TRAPPC9: variants seen among roughly 807,000 people sequenced by gnomAD.
TRAPPC9 encodes IKK2 binding protein.
A neutral mutation model predicts 124.0 loss-of-function variants in TRAPPC9; 83 were observed. The ratio of observed to expected loss-of-function variants is 0.67; its 90% confidence interval spans 0.56 to 0.80. The LOEUF (loss-of-function observed/expected upper bound fraction) is 0.80. TRAPPC9 is among the 30% of genes least tolerant of loss of function. The probability of loss-of-function intolerance (pLI) is 0.00; values close to 1 mark genes in which losing one functional copy is unlikely to be tolerated. For synonymous variants in TRAPPC9, 638 were observed against 617.5 expected (o/e 1.03, Z -0.49); for missense variants, 1,302 against 1,508.3 (o/e 0.86, Z 2.27).
At chr8:140,090,816 C>A (rs1048578243) in intron 17 of TRAPPC9, among the ~76,000 whole-genome samples, 3 of 152,240 alleles carry the variant, frequency 2.0e-5, no homozygotes, top group Non-Finnish European at 2.9e-5. Flanking sequence ...GCTTCCCATG[C>A]AGCTGTTCAT....
chr8:139,954,869 G>A (rs539971115), intron 19 of TRAPPC9, among the ~76,000 whole-genome samples: 55 of 152,252 alleles, frequency 3.6e-4, no homozygotes, highest in African/African-American at 1.2e-3. Flanking sequence ...AAAATAAAAG[G>A]AGCCAGCTCT....
intron 21 of TRAPPC9, among the ~76,000 whole-genome samples, chr8:139,826,355 C>T (rs1205366309): frequency 6.6e-6 from 1 of 152,180 alleles, no homozygotes; most frequent in African/African-American, 2.4e-5. Flanking sequence ...GTGGGCCAGA[C>T]AAGACAAGGC....
At chr8:140,271,315 A>C (rs1036577217) in intron 15 of TRAPPC9, among the ~76,000 whole-genome samples, 3 of 152,240 alleles carry the variant, frequency 2.0e-5, no homozygotes, top group African/African-American at 7.2e-5. Context: ...CAAAGTTTTT[A>C]AAATAAGACA....
intron 17 of TRAPPC9, among the ~76,000 whole-genome samples, chr8:140,073,100 G>A (rs1843285641): frequency 6.6e-6 from 1 of 152,220 alleles, no homozygotes; most frequent in South Asian, 2.1e-4. Context: ...CCGGGGGAAT[G>A]TAAAATGGAG....
chr8:140,090,261 C>CA (rs1436252161), intron 17 of TRAPPC9, among the ~76,000 whole-genome samples: 1 of 152,106 alleles, frequency 6.6e-6, no homozygotes, highest in Non-Finnish European at 1.5e-5. Flanking sequence ...GAAATATTCA[C>CA]ACCAATATAT....
chr8:140,172,573 T>C (rs2061987735), intron 17 of TRAPPC9, among the ~76,000 whole-genome samples: 1 of 151,786 alleles, frequency 6.6e-6, no homozygotes, highest in East Asian at 1.9e-4. Flanking sequence ...GAGTTTACAA[T>C]GGAGGAGACT....
chr8:140,217,104 C>A (rs1399734384), intron 17 of TRAPPC9, among the ~76,000 whole-genome samples: 1 of 152,184 alleles, frequency 6.6e-6, no homozygotes, highest in Non-Finnish European at 1.5e-5. Context: ...TGACTCACAA[C>A]TGGAGCACAA....
At chr8:140,161,650 T>G (rs552901182) in intron 17 of TRAPPC9, among the ~76,000 whole-genome samples, 38 of 152,296 alleles carry the variant, frequency 2.5e-4, no homozygotes, top group African/African-American at 8.9e-4. Context: ...TGTGGCGTCA[T>G]GCAAGTGCTC....
intron 17 of TRAPPC9, among the ~76,000 whole-genome samples, chr8:140,092,509 G>A (rs1485101485): frequency 6.6e-6 from 1 of 152,072 alleles, no homozygotes; most frequent in East Asian, 1.9e-4. Flanking sequence ...AGTGCATAGA[G>A]CATCTAAAAT....
intron 9 of TRAPPC9, among the ~76,000 whole-genome samples, chr8:140,327,787 TA>T (rs2066778679): frequency 6.6e-6 from 1 of 152,202 alleles, no homozygotes; most frequent in South Asian, 2.1e-4. Flanking sequence ...GTGTAATGCG[TA>T]CAGAGATTCT....
intron 16 of TRAPPC9, among the ~76,000 whole-genome samples, chr8:140,234,254 C>T (rs375362247): frequency 3.3e-5 from 5 of 152,182 alleles, no homozygotes; most frequent in East Asian, 3.8e-4. Flanking sequence ...GATCTGAGGT[C>T]GAACAACTTC....
chr8:140,193,622 GAAAAAA>G (rs72383095), intron 17 of TRAPPC9, among the ~76,000 whole-genome samples: 1 of 77,334 alleles, frequency 1.3e-5, no homozygotes, highest in Non-Finnish European at 2.4e-5. Context: ...TGTACTTTCA[GAAAAAA>G]AAAAAAAAAA....
At chr8:140,328,262 A>AAATT (rs149409666) in intron 9 of TRAPPC9, among the ~76,000 whole-genome samples, 1,942 of 152,226 alleles carry the variant, frequency 0.013, 12 homozygotes, top group Non-Finnish European at 0.017. Flanking sequence ...CTCAAAAACA[A>AAATT]AATTAATTAA....
At chr8:140,045,868 G>GT (rs1841562228) in intron 17 of TRAPPC9, among the ~76,000 whole-genome samples, 1 of 151,936 alleles carries the variant, frequency 6.6e-6, no homozygotes, top group African/African-American at 2.4e-5. Flanking sequence ...ACCATTTTAT[G>GT]TAACTAAGAA....
intron 9 of TRAPPC9, among the ~76,000 whole-genome samples, chr8:140,350,085 A>G (rs1037621547): frequency 7.9e-5 from 12 of 152,220 alleles, no homozygotes; most frequent in African/African-American, 2.9e-4. Context: ...TTTTGAGGGA[A>G]CAGTGGGATC....
At chr8:139,828,289 T>C (rs1274042794) in intron 21 of TRAPPC9, among the ~76,000 whole-genome samples, 1 of 152,222 alleles carries the variant, frequency 6.6e-6, no homozygotes, top group Admixed American at 6.5e-5. Context: ...TGTCCTGAAC[T>C]GGCGTGAGGA....
At chr8:140,259,718 T>C (rs1415756536) in intron 15 of TRAPPC9, among the ~76,000 whole-genome samples, 2 of 152,194 alleles carry the variant, frequency 1.3e-5, no homozygotes, top group Admixed American at 1.3e-4. Flanking sequence ...ATCAGAGCTG[T>C]GTGGACGAAG....
chr8:140,244,062 C>A (rs1487803098), intron 16 of TRAPPC9, among the ~76,000 whole-genome samples: 1 of 152,222 alleles, frequency 6.6e-6, no homozygotes. Flanking sequence ...GCCTGATGAT[C>A]TGAGGTGGAA....
chr8:139,965,265 G>C lies in TRAPPC9; in HGVS notation c.2810+23461C>G, dbSNP rs190386133. On this transcript the variant is annotated intron_variant, in intron 19 of 22. Coordinates refer to ENST00000438773, the MANE Select transcript of TRAPPC9 (RefSeq NM_001160372.4). ...CAGTGGAAAATGACCATTTAGGATA[G>C]TCCTGTGTTTTCTGAAATGTGCCCT... is the stretch of plus-strand genomic sequence containing the variant. Among the ~76,000 whole-genome samples, 69 of 152,330 alleles carry C rather than the reference G, an allele frequency of 4.5e-4. No homozygotes were observed. In the East Asian group the frequency reaches 0.01, roughly 23 times the overall value.
Sources: allele counts gnomAD v4.1 joint callset (sites outside exome capture counted in the v4.1 genomes callset), GRCh38; gene constraint gnomAD v4.1.1; transcripts MANE v1.5; gene names NCBI Gene and HGNC (gene_info 2026-07-23, HGNC 2026-07-21).